Variants in ZNF568 observed in about 807,000 individuals in gnomAD.
ZNF568 encodes the protein zinc finger protein 568, also known as p53 inhibitor of SCO2 activation.
Under a neutral mutation model 18.1 loss-of-function variants are expected in ZNF568, and 11 were observed. That is an observed-to-expected ratio of 0.61 (90% CI 0.38 to 1.00). The LOEUF is 1.00. Ranked by LOEUF, ZNF568 falls within the 50% of genes least tolerant of loss-of-function variation. ZNF568 has a pLI of 0.01. For missense variants in ZNF568, 639 were observed against 768.2 expected (o/e 0.83, Z 1.99); for synonymous variants, 213 against 246.6 (o/e 0.86, Z 1.28).
At chr19:36,945,252 T>A (rs1012983022) in intron 6 of ZNF568, among the ~76,000 whole-genome samples, 3 of 144,682 alleles carry the variant, frequency 2.1e-5, no homozygotes, top group African/African-American at 7.6e-5. Context: ...TGTGTGTGTG[T>A]ATAAAATATA....
chr19:36,987,851 T>TGTGTGTGTG (rs1568408488), intron 2 of ZNF568, among the ~76,000 whole-genome samples: 1 of 147,168 alleles, frequency 6.8e-6, no homozygotes, highest in Non-Finnish European at 1.5e-5. Context: ...TGTGTGTGTG[T>TGTGTGTGTG]TGGGGTACCA....
chr19:36,967,516 T>C (rs894427509), intron 6 of ZNF568, among the ~76,000 whole-genome samples: 3 of 152,142 alleles, frequency 2.0e-5, no homozygotes, highest in African/African-American at 7.2e-5. Context: ...TGAGCTGAGA[T>C]AGCACCCCTG....
chr19:36,949,645 G>A lies in ZNF568; in HGVS notation c.492G>A (p.Leu164=). 1.2e-6 allele frequency: 2 copies of A among 1,613,818 alleles called. No individual in the cohort carries two copies. Among genetic ancestry groups the A allele is most frequent in the Non-Finnish European group, 1.7e-6 (2 of 1,179,864 alleles). ...ECKKVAKIFP[L]SSDIVTSRQS... ...AAAAAGTTGCGAAAATATTTCCTCT[G>A]AGTTCAGACATTGTTACTTCAAGAC... Residue 164 remains leucine, a synonymous_variant, in exon 7 of 7, where the codon CTG becomes CTA. Coordinates refer to ENST00000333987, the MANE Select transcript of ZNF568 (RefSeq NM_198539.4).
In ZNF568 at chr19:36,916,742, G is replaced by A. The variant is rs935674892; in HGVS notation, c.-256+151G>A. ...TTATGATGAAATGTGTGATATGTGT[G>A]TGATTATGATTAAGGCTGTAGCGAG... On this transcript the variant is annotated intron_variant, in intron 1 of 6. Coordinates refer to ENST00000333987, the MANE Select transcript of ZNF568 (RefSeq NM_198539.4). The surrounding 1 kb of genome is among the most constrained non-coding windows in gnomAD (Gnocchi z 5.3). 1.3e-5 allele frequency among the ~76,000 whole-genome samples: 2 copies of A among 152,170 alleles called. No homozygotes were observed. Among genetic ancestry groups the A allele is most frequent in the African/African-American group, 4.8e-5 (2 of 41,440 alleles).
At chr19:36,960,110 CTTT>C (rs34588591) in intron 6 of ZNF568, among the ~76,000 whole-genome samples, 5 of 87,678 alleles carry the variant, frequency 5.7e-5, no homozygotes, top group East Asian at 5.8e-4. Context: ...AATTGTTCTA[CTTT>C]TTTTTTTTTT....
chr19:36,934,530 CA>C (rs1279888513), intron 4 of ZNF568, among the ~76,000 whole-genome samples: 13 of 152,110 alleles, frequency 8.5e-5, no homozygotes, highest in Admixed American at 7.2e-4. Flanking sequence ...CCATGTTGCT[CA>C]GGCTGGTCTT....
chr19:36,988,336 G>A (rs1413265499), intron 2 of ZNF568, among the ~76,000 whole-genome samples: 2 of 152,098 alleles, frequency 1.3e-5, no homozygotes, highest in African/African-American at 4.8e-5. Flanking sequence ...ACCTGAGACT[G>A]GGGATTTTAT....
At position 36,950,272 on chromosome 19, in the gene ZNF568, A is replaced by C. The variant is rs751154342; in HGVS notation, c.1119A>C (p.Arg373=). The C allele has an allele frequency of 6.2e-7, 1 of 1,613,980 alleles. No homozygotes were observed. Among genetic ancestry groups the C allele is most frequent in the Admixed American group, 1.7e-5 (1 of 60,016 alleles). The change falls in exon 7 of 7, where the codon CGA becomes CGC. Residue 373 remains arginine, a synonymous_variant. Coordinates refer to ENST00000333987, the MANE Select transcript of ZNF568 (RefSeq NM_198539.4). ...ACNECGRAFS[R]MSSVTLHMRS... ...ATGAATGTGGTAGAGCTTTTTCTCG[A>C]ATGTCATCTGTTACGCTACATATGA...
chr19:36,978,662 C>T (rs2074304920), intron 7 of ZNF568, among the ~76,000 whole-genome samples: 1 of 152,154 alleles, frequency 6.6e-6, no homozygotes, highest in Non-Finnish European at 1.5e-5. Flanking sequence ...TTAAAAACCC[C>T]TCAGTTAATT....
At chr19:36,972,645 G>T (rs2074245341) in intron 6 of ZNF568, among the ~76,000 whole-genome samples, 1 of 148,586 alleles carries the variant, frequency 6.7e-6, no homozygotes, top group Admixed American at 6.7e-5. Flanking sequence ...TTGTGGCCCA[G>T]GTCAGTGAAG....
At chr19:36,952,906 T>A (rs1411403765), downstream of ZNF568, among the ~76,000 whole-genome samples, 2 of 152,214 alleles carry the variant, frequency 1.3e-5, no homozygotes, top group Non-Finnish European at 2.9e-5. Flanking sequence ...TATTCTTGTT[T>A]ATTATATAAT....
chr19:36,966,242 C>T (rs887680618), intron 6 of ZNF568, among the ~76,000 whole-genome samples: 13 of 152,066 alleles, frequency 8.5e-5, no homozygotes, highest in Admixed American at 2.0e-4. Flanking sequence ...GCCGAGATTG[C>T]ACCACTGCAT....
intron 4 of ZNF568, among the ~76,000 whole-genome samples, chr19:36,926,174 C>G (rs1257782952): frequency 6.6e-6 from 1 of 151,990 alleles, no homozygotes; most frequent in Non-Finnish European, 1.5e-5. Context: ...CTTTTCACAT[C>G]TTTTTTATGG....
intron 7 of ZNF568, among the ~76,000 whole-genome samples, chr19:36,975,136 ATTTC>A (rs71266561): frequency 5.9e-5 from 8 of 134,660 alleles, no homozygotes; most frequent in African/African-American, 1.5e-4. Flanking sequence ...CCGCTTATCA[ATTTC>A]TTTCTTTCTT....
In ZNF568 at chr19:36,951,099, G is replaced by C. The variant is rs758710622; in HGVS notation, c.*11G>C. On this transcript the variant is annotated 3_prime_UTR_variant, in exon 7 of 7. Coordinates refer to ENST00000333987, the MANE Select transcript of ZNF568 (RefSeq NM_198539.4). ...CACCAAGTATATTAAATGAAAGAAG[G>C]CCTCTTAAATTCAACCCATGTTTTA... 2.1e-5 allele frequency: 31 copies of C among 1,489,234 alleles called. No individual in the cohort carries two copies. The highest frequency in any genetic ancestry group is 1.4e-4 in the East Asian group (6 of 42,494). The allele number at this position is 1,489,234 out of a possible 1,614,324, so 92.3% of individuals were successfully genotyped here.
In ZNF568 at chr19:36,950,561, G is replaced by A. The variant is rs760214679; in HGVS notation, c.1408G>A (p.Gly470Arg). ...CATTACACATCAGAAAATTCACACT[G>A]GAGAGAAACCTTATGAATGCAGTGA... ...NLITHQKIHT[G>R]EKPYECSECG... Residue 470 changes from glycine to arginine, a missense_variant, in exon 7 of 7, where the codon GGA becomes AGA. By Grantham distance (125) the Gly-to-Arg change is moderately radical (BLOSUM62 -2). Coordinates refer to ENST00000333987, the MANE Select transcript of ZNF568 (RefSeq NM_198539.4). The A allele has an allele frequency of 2.5e-5, 41 of 1,613,514 alleles. 1 individual carries two copies. In the South Asian group the frequency reaches 3.1e-4, roughly 12 times the overall value.
chr19:36,960,877 T>C (rs570819079), intron 6 of ZNF568, among the ~76,000 whole-genome samples: 32 of 152,284 alleles, frequency 2.1e-4, no homozygotes, highest in African/African-American at 7.0e-4. Context: ...TCCGTTGTGG[T>C]CTAAGATACT....
At chr19:36,920,795 T>TCACC (rs1468906760) in intron 2 of ZNF568, among the ~76,000 whole-genome samples, 2 of 151,770 alleles carry the variant, frequency 1.3e-5, no homozygotes, top group South Asian at 2.1e-4. Flanking sequence ...CACTCGCCAC[T>TCACC]CACTCAGAGC....
intron 2 of ZNF568, among the ~76,000 whole-genome samples, chr19:36,985,910 A>G (rs1212660282): frequency 6.6e-6 from 1 of 152,170 alleles, no homozygotes; most frequent in Non-Finnish European, 1.5e-5. Flanking sequence ...AGTGACATTT[A>G]GTTCATTCAC....
Sources: gnomAD v4.1 joint callset for allele counts (sites outside exome capture counted in the v4.1 genomes callset) on GRCh38, gnomAD v4.1.1 for gene constraint, Gnocchi (gnomAD v3.1) non-coding constraint, MANE v1.5 for transcripts, NCBI Gene and HGNC (gene_info 2026-07-23, HGNC 2026-07-21) for gene names.